Variants in LRRC37A2 observed in about 807,000 individuals in gnomAD.
The protein encoded by LRRC37A2 is leucine rich repeat containing 37 member A2.
LRRC37A2 carries 9 observed loss-of-function variants against 68.8 expected under a neutral mutation model. The observed-to-expected ratio is 0.13, with a 90% CI of 0.08 to 0.23. The LOEUF is 0.23. LRRC37A2 is among the 10% of genes least tolerant of loss of function. LRRC37A2 has a pLI of 1.00. For synonymous variants in LRRC37A2, 63 were observed against 367.6 expected (o/e 0.17, Z 9.48); for missense variants, 168 against 950.4 (o/e 0.18, Z 10.82).
the LRRC37A2 span, among the ~76,000 whole-genome samples, chr17:46,956,270 G>C: frequency 1.4e-5 from 2 of 140,188 alleles, no homozygotes; most frequent in Admixed American, 7.5e-5. Flanking sequence ...ATTCTGCCTT[G>C]CCAGTCCTTT....
chr17:46,744,650 T>G, the LRRC37A2 span, among the ~76,000 whole-genome samples: 1 of 152,212 alleles, frequency 6.6e-6, no homozygotes, highest in East Asian at 1.9e-4. Context: ...CCACTTGAAC[T>G]TTTGTTACAA....
chr17:46,915,467 T>C, the LRRC37A2 span, among the ~76,000 whole-genome samples: 8 of 152,218 alleles, frequency 5.3e-5, no homozygotes, highest in Admixed American at 4.6e-4. Context: ...CAGGAAGTCA[T>C]TAAGACCAGC....
the LRRC37A2 span, among the ~76,000 whole-genome samples, chr17:46,987,489 T>C: frequency 6.6e-6 from 1 of 152,212 alleles, no homozygotes; most frequent in South Asian, 2.1e-4. Context: ...AAAAAAATTA[T>C]ATTTTTTGAA....
chr17:46,817,381 C>CCCCCCCCCCCCCCCG, the LRRC37A2 span, among the ~76,000 whole-genome samples: 2 of 152,086 alleles, frequency 1.3e-5, no homozygotes, highest in African/African-American at 4.8e-5. Context: ...TCCCCCCGCC[C>CCCCCCCCCCCCCCCG]AGGCCAAGGC....
the LRRC37A2 span, among the ~76,000 whole-genome samples, chr17:46,772,205 C>G: frequency 6.6e-6 from 1 of 152,192 alleles, no homozygotes; most frequent in Non-Finnish European, 1.5e-5. Context: ...TTCCGGGATG[C>G]TCTCCTCGCC....
chr17:46,810,244 G>A, the LRRC37A2 span, among the ~76,000 whole-genome samples: 1 of 151,984 alleles, frequency 6.6e-6, no homozygotes. Context: ...CTGACCTCAG[G>A]TGATCCACCC....
the LRRC37A2 span, among the ~76,000 whole-genome samples, chr17:46,479,749 C>T: frequency 9.6e-6 from 1 of 104,436 alleles, no homozygotes; most frequent in African/African-American, 3.4e-5. Flanking sequence ...CCTCGTGATC[C>T]GCCCGCCTCA....
the LRRC37A2 span, among the ~76,000 whole-genome samples, chr17:46,874,730 AC>A: frequency 6.6e-6 from 1 of 152,100 alleles, no homozygotes; most frequent in African/African-American, 2.4e-5. Context: ...GGCATGTACC[AC>A]CATGCCCGGC....
chr17:46,814,434 A>G, the LRRC37A2 span, among the ~76,000 whole-genome samples: 1 of 152,180 alleles, frequency 6.6e-6, no homozygotes, highest in African/African-American at 2.4e-5. Context: ...AGCCCCACCC[A>G]TAATGGGGGC....
the LRRC37A2 span, among the ~76,000 whole-genome samples, chr17:46,914,319 G>C: frequency 6.6e-6 from 1 of 151,928 alleles, no homozygotes; most frequent in Admixed American, 6.6e-5. Context: ...GGAGAGTAGG[G>C]GGGCCACTAA....
the LRRC37A2 span, among the ~76,000 whole-genome samples, chr17:46,819,641 C>T: frequency 1.3e-5 from 2 of 152,210 alleles, no homozygotes; most frequent in Admixed American, 6.5e-5. The surrounding 1 kb of genome is among the most constrained non-coding windows in gnomAD (Gnocchi z 5.3). Context: ...ACTGCCCGAC[C>T]GTCCCGCCTG....
chr17:46,978,449 C>G, the LRRC37A2 span: 1 of 573,608 alleles, frequency 1.7e-6, no homozygotes, highest in Non-Finnish European at 2.9e-6. Flanking sequence ...AACGCTGCAG[C>G]GCACACAGGA....
At chr17:46,978,876 CG>C in the LRRC37A2 span, 1 of 1,559,524 alleles carries the variant, frequency 6.4e-7, no homozygotes, top group Non-Finnish European at 8.6e-7. Flanking sequence ...TGGCGGCCAG[CG>C]GTGCGCCCCC....
the LRRC37A2 span, among the ~76,000 whole-genome samples, chr17:46,883,459 A>G: frequency 1.3e-5 from 2 of 150,968 alleles, no homozygotes; most frequent in Non-Finnish European, 2.9e-5. Flanking sequence ...TTATTTTTGT[A>G]TTTTTAGTAG....
chr17:46,903,808 G>C, the LRRC37A2 span, among the ~76,000 whole-genome samples: 22 of 148,708 alleles, frequency 1.5e-4, no homozygotes, highest in Non-Finnish European at 2.5e-4. Flanking sequence ...GGATGGGTGG[G>C]GTGGATAGAT....
At chr17:46,874,860 G>T in the LRRC37A2 span, 1 of 641,552 alleles carries the variant, frequency 1.6e-6, no homozygotes, top group Non-Finnish European at 2.8e-6. Flanking sequence ...TTAGGGGCAC[G>T]AGCCACTGTG....
the LRRC37A2 span, among the ~76,000 whole-genome samples, chr17:46,878,752 C>T: frequency 1.3e-5 from 2 of 152,218 alleles, no homozygotes; most frequent in Non-Finnish European, 2.9e-5. Context: ...CACCCTGATC[C>T]ACCAACATGC....
At chr17:46,938,017 A>G in the LRRC37A2 span, 1 of 169,848 alleles carries the variant, frequency 5.9e-6, no homozygotes, top group Admixed American at 5.6e-5. Flanking sequence ...ACAGGTGCAC[A>G]CCACCACACC....
chr17:46,874,962 C>A, the LRRC37A2 span: 4 of 1,354,106 alleles, frequency 3.0e-6, no homozygotes, highest in Non-Finnish European at 4.2e-6. Flanking sequence ...TGTCCTCAAG[C>A]CACATTCTCT....
Sources: allele counts gnomAD v4.1 joint callset (sites outside exome capture counted in the v4.1 genomes callset), GRCh38; gene constraint gnomAD v4.1.1; non-coding constraint Gnocchi (gnomAD v3.1); transcripts MANE v1.5; gene names NCBI Gene and HGNC (gene_info 2026-07-23, HGNC 2026-07-21).